Variants in MAP7D2 observed in about 807,000 individuals in gnomAD.
The protein encoded by MAP7D2 is MAP7 domain-containing protein 2.
MAP7D2 carries 33 observed loss-of-function variants against 63.5 expected under a neutral mutation model. That is an observed-to-expected ratio of 0.52 (90% confidence interval 0.39 to 0.70). The LOEUF is 0.70. Among genes scored for constraint, MAP7D2 ranks in the 30% least tolerant of loss-of-function variants. The pLI, the probability that MAP7D2 is intolerant of heterozygous loss-of-function variation, is 0.00. For synonymous variants in MAP7D2, 224 were observed against 223.7 expected (o/e 1.00, Z -0.01); for missense variants, 626 against 604.0 (o/e 1.04, Z -0.38).
chrX:20,062,555 T>C (rs1225828804), intron 3 of MAP7D2, among the ~76,000 whole-genome samples: 1 of 111,492 alleles, frequency 9.0e-6, no homozygotes, highest in Non-Finnish European at 1.9e-5. Flanking sequence ...AATACTGAAT[T>C]TGTACAAACA....
chrX:20,106,038 G>A (rs966019913), intron 1 of MAP7D2, among the ~76,000 whole-genome samples: 1 of 111,665 alleles, frequency 9.0e-6, no homozygotes, highest in Non-Finnish European at 1.9e-5. Context: ...AGAGCAAATG[G>A]GGGCCAAACC....
chrX:20,085,436 T>C (rs928160488), intron 1 of MAP7D2, among the ~76,000 whole-genome samples: 1 of 112,189 alleles, frequency 8.9e-6, no homozygotes, highest in Non-Finnish European at 1.9e-5. Flanking sequence ...ATCAGTAAAA[T>C]GTAGGTTGCC....
chrX:20,052,362 CT>C (rs1489199668), intron 5 of MAP7D2: 2 of 264,355 alleles, frequency 7.6e-6, no homozygotes, highest in Non-Finnish European at 1.4e-5. Flanking sequence ...GCCACCCAAC[CT>C]TTTCCTCTTT....
In MAP7D2 at chrX:20,042,543, A is replaced by G; in HGVS notation, c.966T>C (p.Ser322=). ...AAGATGGTCTCTTAGGAATGCCTCC[A>G]GAAAACTCACATCTTCTCAGAGGGG... is the stretch of plus-strand genomic sequence containing the variant. ...FGSPLRRCEF[S]GGIPKRPSSP... The change falls in exon 8 of 17, where the codon TCT becomes TCC. Residue 322 remains serine (S), a synonymous_variant. Coordinates refer to ENST00000379643, the MANE Select transcript of MAP7D2 (RefSeq NM_001168465.2). 1 of 1,211,656 alleles carries G rather than the reference A, an allele frequency of 8.3e-7. No individual in the cohort carries two copies. The highest frequency in any genetic ancestry group is 1.1e-6 in the Non-Finnish European group (1 of 895,179).
rs1383854881 is a variant in MAP7D2, at chrX:20,025,721, C to G, written c.1239G>C (p.Lys413Asn). The G allele has an allele frequency of 1.7e-6, 2 of 1,210,332 alleles. No individual in the cohort carries two copies. Among genetic ancestry groups the G allele is most frequent in the African/African-American group, 3.5e-5 (2 of 57,265 alleles). The change falls in exon 9 of 17, where the codon AAG (lysine) becomes AAC (asparagine). Residue 413 changes from lysine (K) to asparagine (N), a missense_variant. Coordinates refer to ENST00000379643, the MANE Select transcript of MAP7D2 (RefSeq NM_001168465.2). ...CTTTCCCTCCTGCGGCAGCAGCATG[C>G]TTCTCGCTGGCATGCTTGTCCACTA... ...KHVVDKHASE[K>N]HAAAAGGKAE...
intron 1 of MAP7D2, among the ~76,000 whole-genome samples, chrX:20,082,923 C>T (rs1472374875): frequency 1.8e-5 from 2 of 111,858 alleles, no homozygotes; most frequent in Non-Finnish European, 3.8e-5. Context: ...CCACTGCGCC[C>T]GGCCACAGAT....
chrX:20,077,692 G>A (rs1253196871), intron 1 of MAP7D2, among the ~76,000 whole-genome samples: 2 of 111,995 alleles, frequency 1.8e-5, no homozygotes, highest in Non-Finnish European at 1.9e-5. Flanking sequence ...CCACTATGGA[G>A]GGCCTCTGCA....
In MAP7D2 at chrX:20,063,528, C is replaced by T; in HGVS notation, c.258G>A (p.Gln86=). 1 of 1,212,182 alleles carries T rather than the reference C, an allele frequency of 8.2e-7. No individual in the cohort carries two copies. The highest frequency in any genetic ancestry group is 1.1e-6 in the Non-Finnish European group (1 of 895,568). The change falls in exon 3 of 17, where the codon CAG becomes CAA. Residue 86 remains glutamine (Q), a synonymous_variant. Coordinates refer to ENST00000379643, the MANE Select transcript of MAP7D2 (RefSeq NM_001168465.2). The stretch of plus-strand genomic sequence containing the variant: ...ATCGCTCCTCCATTTGCTTTTCGTA[C>T]TGCAGCCTGGCTCTTTTCTGTTTCT... ...ILEKQKRARL[Q]YEKQMEERWR...
At chrX:20,054,290 A>C (rs974214534) in intron 4 of MAP7D2, among the ~76,000 whole-genome samples, 2 of 112,557 alleles carry the variant, frequency 1.8e-5, no homozygotes, top group African/African-American at 6.5e-5. Flanking sequence ...ATAAAACTAA[A>C]CATTAGAAAT....
chrX:20,102,862 T>C (rs1909860061), intron 1 of MAP7D2, among the ~76,000 whole-genome samples: 1 of 110,434 alleles, frequency 9.1e-6, no homozygotes, highest in African/African-American at 3.3e-5. Context: ...CTCTGCTTCC[T>C]AGGCCAGCTG....
rs397895765 is a variant in MAP7D2, at chrX:20,034,225, C to CA, written c.1008-8274dup. Among the ~76,000 whole-genome samples, 178 of 27,219 alleles carry CA rather than the reference C, an allele frequency of 6.5e-3. 4 individuals are homozygous for CA. The highest frequency in any genetic ancestry group is 0.011 in the South Asian group (2 of 190). The allele number at this position is 27,219 out of a possible 115,157, so 23.6% of individuals were successfully genotyped here. On this transcript the variant is annotated intron_variant, in intron 8 of 16. Coordinates refer to ENST00000379643, the MANE Select transcript of MAP7D2 (RefSeq NM_001168465.2). ...GGGCGACAGAGTGAGACCCTGTCTCCAAAAAAAAAAAAAAAAAAAAAAAAA... is the reference window on the plus strand; with the variant it reads ...GGGCGACAGAGTGAGACCCTGTCTCCAAAAAAAAAAAAAAAAAAAAAAAAAA...
chrX:20,048,855 G>A (rs1470569509), intron 6 of MAP7D2, among the ~76,000 whole-genome samples: 9 of 110,214 alleles, frequency 8.2e-5, no homozygotes, highest in East Asian at 5.7e-4. Flanking sequence ...CTTGGAGTTC[G>A]AGGCTGCAGT....
chrX:20,098,701 C>G (rs909939842), intron 1 of MAP7D2, among the ~76,000 whole-genome samples: 5 of 112,168 alleles, frequency 4.5e-5, no homozygotes, highest in African/African-American at 1.3e-4. Flanking sequence ...GAACACCCAT[C>G]TGATTACAGA....
chrX:20,009,663 CAAAAAAAAAAA>C (rs35018861), intron 16 of MAP7D2, among the ~76,000 whole-genome samples: 2 of 17,734 alleles, frequency 1.1e-4, no homozygotes, highest in Non-Finnish European at 1.9e-4. Context: ...GATTCCATCT[CAAAAAAAAAAA>C]AAAAAAAAAA....
At chrX:20,061,767 A>G (rs2065231070) in intron 3 of MAP7D2, among the ~76,000 whole-genome samples, 1 of 112,733 alleles carries the variant, frequency 8.9e-6, no homozygotes, top group Admixed American at 9.3e-5. Flanking sequence ...AAAATTATAA[A>G]CAGAAATTGC....
intron 1 of MAP7D2, among the ~76,000 whole-genome samples, chrX:20,109,666 A>G (rs2066681913): frequency 1.8e-5 from 2 of 111,580 alleles, no homozygotes; most frequent in South Asian, 7.5e-4. Context: ...CGCTGAATAC[A>G]TAACCTTTCT....
chrX:20,104,644 T>C (rs1014346413), intron 1 of MAP7D2, among the ~76,000 whole-genome samples: 1 of 112,180 alleles, frequency 8.9e-6, no homozygotes, highest in Non-Finnish European at 1.9e-5. Flanking sequence ...TCTGTAGACA[T>C]AACTACAACT....
chrX:20,096,081 CAAAAAAAAAAAA>C (rs1208579984), intron 1 of MAP7D2, among the ~76,000 whole-genome samples: 1 of 14,902 alleles, frequency 6.7e-5, no homozygotes, highest in Non-Finnish European at 1.2e-4. Flanking sequence ...GACTCTTCCT[CAAAAAAAAAAAA>C]AAAAAAAAAA....
At chrX:20,093,518 G>A (rs965751324) in intron 1 of MAP7D2, among the ~76,000 whole-genome samples, 2 of 110,732 alleles carry the variant, frequency 1.8e-5, no homozygotes, top group Admixed American at 1.9e-4. Flanking sequence ...TTAGTTTGGC[G>A]TGGTGGCACG....
Sources: gnomAD v4.1 joint callset for allele counts (sites outside exome capture counted in the v4.1 genomes callset) on GRCh38, gnomAD v4.1.1 for gene constraint, MANE v1.5 for transcripts, NCBI Gene and HGNC (gene_info 2026-07-23, HGNC 2026-07-21) for gene names.